STXBP5L: variants seen among roughly 807,000 people sequenced by gnomAD.
The protein encoded by STXBP5L is syntaxin-binding protein 5-like.
Under a neutral mutation model 144.5 loss-of-function variants are expected in STXBP5L, and 65 were observed. The observed-to-expected ratio is 0.45, with a 90% CI of 0.37 to 0.55. The LOEUF is 0.55. STXBP5L is among the 20% of genes least tolerant of loss of function. STXBP5L has a pLI of 0.00. For synonymous variants in STXBP5L, 505 were observed against 469.6 expected, an observed-to-expected ratio of 1.08 and a Z score of -0.97; for missense variants, 1,298 against 1,405.5, an observed-to-expected ratio of 0.92 and a Z score of 1.22.
chr3:121,385,637 C>A (rs534252393), intron 22 of STXBP5L, among the ~76,000 whole-genome samples: 1 of 152,218 alleles, frequency 6.6e-6, no homozygotes, highest in Non-Finnish European at 1.5e-5. Context: ...CATCATACTA[C>A]CTAAATAGCC....
rs1235204297 is a variant in STXBP5L, at chr3:121,339,535, T to G, written c.2176+20995T>G. On this transcript the variant is annotated intron_variant, in intron 20 of 26. Transcript: ENST00000471454. The stretch of plus-strand genomic sequence containing the variant: ...GGATGCCCACTTTTACCACTTCTAT[T>G]CAATATAGTACTGGAAGTCATAGCC... Among the ~76,000 whole-genome samples the G allele has an allele frequency of 2.6e-5, 4 of 152,070 alleles. No homozygotes were observed. In the East Asian group the frequency reaches 7.7e-4, roughly 29 times the overall value.
In STXBP5L at chr3:121,422,599, T is replaced by C. The variant is rs1560077027; in HGVS notation, c.*3502T>C. The C allele has an allele frequency of 6.6e-6, 1 of 152,182 alleles. No individual in the cohort carries two copies. The highest frequency in any genetic ancestry group is 1.5e-5 in the Non-Finnish European group (1 of 68,040). The allele number at this position is 152,182 out of a possible 1,614,324, so 9.4% of individuals were successfully genotyped here. On this transcript the variant is annotated 3_prime_UTR_variant, in exon 27 of 27. Transcript: ENST00000471454. Reference sequence around the variant, plus strand: ...ACAAAAGCAGTACTACTGACTTTGCTTCTTACACTTCACTGAGCCCCAGAC... The same window carrying C: ...ACAAAAGCAGTACTACTGACTTTGCCTCTTACACTTCACTGAGCCCCAGAC...
chr3:121,218,974 G>A (rs191235503), intron 10 of STXBP5L, among the ~76,000 whole-genome samples: 1 of 152,070 alleles, frequency 6.6e-6, no homozygotes, highest in Admixed American at 6.6e-5. Flanking sequence ...TATTATTATT[G>A]ACATCATTAT....
chr3:120,930,692 C>T (rs1334386739), intron 2 of STXBP5L, among the ~76,000 whole-genome samples: 1 of 151,934 alleles, frequency 6.6e-6, no homozygotes, highest in Non-Finnish European at 1.5e-5. Flanking sequence ...ATGATGTTTC[C>T]CCCAAACAGC....
chr3:121,311,041 A>G (rs2043509267), intron 19 of STXBP5L, among the ~76,000 whole-genome samples: 1 of 152,256 alleles, frequency 6.6e-6, no homozygotes, highest in Non-Finnish European at 1.5e-5. Flanking sequence ...CATAACACAA[A>G]TATAAGCAGT....
At chr3:121,089,655 C>T (rs2042681610) in intron 5 of STXBP5L, among the ~76,000 whole-genome samples, 1 of 151,744 alleles carries the variant, frequency 6.6e-6, no homozygotes, top group Non-Finnish European at 1.5e-5. Context: ...ATTGTTTATT[C>T]AACTGCTTTT....
chr3:121,232,645 A>G (rs1381723724), intron 11 of STXBP5L, among the ~76,000 whole-genome samples: 5 of 152,162 alleles, frequency 3.3e-5, no homozygotes, highest in Non-Finnish European at 5.9e-5. Context: ...TGGGTCACCA[A>G]CTTTGTTATT....
In STXBP5L at chr3:121,081,799, A is replaced by C. The variant is rs139774871; in HGVS notation, c.471-33126A>C. On this transcript the variant is annotated intron_variant, in intron 5 of 26. Coordinates refer to ENST00000471454, the MANE Select transcript of STXBP5L (RefSeq NM_001308330.2). ...ATTAAGTTGGCTGGGGGAGCTCTCA[A>C]TTAGGTGTGGAGAGGCTTTATCAGG... is the stretch of plus-strand genomic sequence containing the variant. Among the ~76,000 whole-genome samples the C allele has an allele frequency of 2.5e-3, 374 of 152,224 alleles. 2 individuals carry two copies. Among genetic ancestry groups the C allele is most frequent in the African/African-American group, 8.1e-3 (336 of 41,540 alleles).
intron 19 of STXBP5L, among the ~76,000 whole-genome samples, chr3:121,308,893 T>A (rs2108507672): frequency 6.6e-6 from 1 of 152,256 alleles, no homozygotes; most frequent in African/African-American, 2.4e-5. Flanking sequence ...AAAATTAACA[T>A]TTCTGTATCT....
rs1367980936 is a variant in STXBP5L at position 121,279,665 on chromosome 3, C to A, written c.1959-140C>A. The A allele has an allele frequency of 1.0e-5, 9 of 867,212 alleles. No individual in the cohort carries two copies. The East Asian group carries it at 2.1e-4, about 21-fold the overall frequency. 53.7% of individuals were successfully genotyped at this position (867,212 alleles called of 1,614,324 possible). A position where few individuals can be genotyped will look rare whatever the true frequency, so the allele number is the denominator to read the frequency against. ...TTTATCCATCATAAAGGCAAGGCAT[C>A]CTTCTTGACTTTACACAAATCACTG... is the stretch of plus-strand genomic sequence containing the variant. On this transcript the variant is annotated intron_variant, in intron 18 of 26. Transcript: ENST00000471454.
intron 3 of STXBP5L, among the ~76,000 whole-genome samples, chr3:120,964,813 T>A (rs1378470654): frequency 6.6e-6 from 1 of 152,160 alleles, no homozygotes; most frequent in Non-Finnish European, 1.5e-5. Context: ...TGAGTTCAGG[T>A]CCTGGACATC....
At chr3:120,996,860 A>C (rs1241867177) in intron 3 of STXBP5L, among the ~76,000 whole-genome samples, 1 of 152,048 alleles carries the variant, frequency 6.6e-6, no homozygotes, top group Non-Finnish European at 1.5e-5. Flanking sequence ...TACATGGGTA[A>C]ATTGCATGTC....
chr3:121,254,782 A>G (rs1398531465), intron 15 of STXBP5L, 113 bp from the exon 16 acceptor site: 1 of 901,124 alleles, frequency 1.1e-6, no homozygotes, highest in Non-Finnish European at 1.7e-6. Context: ...AATGTAATTC[A>G]CTTTGTCTAC....
intron 5 of STXBP5L, among the ~76,000 whole-genome samples, chr3:121,053,613 T>A (rs893751602): frequency 2.6e-5 from 4 of 152,154 alleles, no homozygotes; most frequent in African/African-American, 9.7e-5. Flanking sequence ...ACTTAAATGT[T>A]AGACCTAAAA....
chr3:121,381,142 C>A, intron 21 of STXBP5L, 151 bp from the exon 22 acceptor site: 2 of 697,936 alleles, frequency 2.9e-6, no homozygotes, highest in Non-Finnish European at 4.4e-6. Flanking sequence ...TCAAAATAAG[C>A]TGGTGAACTG....
chr3:121,314,727 CCTA>C (rs1320070808), intron 19 of STXBP5L, among the ~76,000 whole-genome samples: 1 of 152,046 alleles, frequency 6.6e-6, no homozygotes, highest in Non-Finnish European at 1.5e-5. Flanking sequence ...ATTTTTGCAA[CCTA>C]CTCATCTGAC....
At chr3:121,342,876 T>A (rs1308584718) in intron 20 of STXBP5L, among the ~76,000 whole-genome samples, 12 of 150,002 alleles carry the variant, frequency 8.0e-5, no homozygotes, top group South Asian at 6.6e-4. Flanking sequence ...ATGGGATTGC[T>A]GGGTCAAATG....
intron 21 of STXBP5L, among the ~76,000 whole-genome samples, chr3:121,379,355 G>T (rs1473343900): frequency 6.6e-6 from 1 of 152,040 alleles, no homozygotes. Context: ...AGGTCTATTT[G>T]CTTATTTATG....
rs139712629 is a variant in STXBP5L at position 121,389,345 on chromosome 3, T to G, written c.2587+7813T>G. Among the ~76,000 whole-genome samples, 476 of 152,346 alleles carry G rather than the reference T, an allele frequency of 3.1e-3. 3 individuals carry two copies. The highest frequency in any genetic ancestry group is 0.011 in the African/African-American group (447 of 41,586). On this transcript the variant is annotated intron_variant, in intron 22 of 26. Coordinates refer to ENST00000471454, the MANE Select transcript of STXBP5L (RefSeq NM_001308330.2). ...CTTTTCAAAAAACCAGCTTCTGGAT[T>G]CATTGATTTTTTGAAAGGTTTTTTG...
Sources: gnomAD v4.1 joint callset for allele counts (sites outside exome capture counted in the v4.1 genomes callset) on GRCh38, gnomAD v4.1.1 for gene constraint, MANE v1.5 for transcripts, NCBI Gene and HGNC (gene_info 2026-07-23, HGNC 2026-07-21) for gene names.